GFOD1: variants seen among roughly 807,000 people sequenced by gnomAD.
GFOD1 encodes the protein glucose-fructose oxidoreductase domain-containing protein 1.
A neutral mutation model predicts 25.4 loss-of-function variants in GFOD1; 9 were observed. The observed-to-expected ratio is 0.35, with a 90% CI of 0.21 to 0.62. The LOEUF is 0.62. Ranked by LOEUF, GFOD1 falls within the 20% of genes least tolerant of loss-of-function variation. GFOD1 has a pLI of 0.72. For missense variants in GFOD1, 403 were observed against 556.9 expected (o/e 0.72, Z 2.78); for synonymous variants, 253 against 245.6 (o/e 1.03, Z -0.28).
At chr6:13,480,667 G>A (rs533481604) in intron 1 of GFOD1, among the ~76,000 whole-genome samples, 1 of 152,280 alleles carries the variant, frequency 6.6e-6, no homozygotes, top group South Asian at 2.1e-4. Context: ...ATCATGCCTG[G>A]CTAGAGACAA....
intron 1 of GFOD1, among the ~76,000 whole-genome samples, chr6:13,406,457 G>A (rs558028082): frequency 1.1e-4 from 17 of 152,248 alleles, no homozygotes; most frequent in Middle Eastern, 3.4e-3. Context: ...CAGAAAGGGC[G>A]CCTGTATTCA....
At chr6:13,456,074 T>G (rs1005550539) in intron 1 of GFOD1, among the ~76,000 whole-genome samples, 2 of 152,190 alleles carry the variant, frequency 1.3e-5, no homozygotes, top group East Asian at 3.9e-4. Context: ...AGAGGTGGGT[T>G]TTAAAGTGCA....
rs142652008 is a variant in GFOD1, at chr6:13,446,822, C to G, written c.253+39816G>C. Among the ~76,000 whole-genome samples, 107 of 152,308 alleles carry G rather than the reference C, an allele frequency of 7.0e-4. 2 individuals are homozygous for G. The highest frequency in any genetic ancestry group is 2.4e-3 in the African/African-American group (101 of 41,564). On this transcript the variant is annotated intron_variant, in intron 1 of 1. Transcript: ENST00000379287. ...TAGAGATCAGAAGCACATATTTGAG[C>G]CTTTTCTCCTTTCACCAACTGGCAG...
At chr6:13,474,481 C>A (rs887664124) in intron 1 of GFOD1, among the ~76,000 whole-genome samples, 3 of 152,180 alleles carry the variant, frequency 2.0e-5, no homozygotes, top group South Asian at 2.1e-4. Context: ...AGGTGATCGA[C>A]CCTTAATCCA....
At chr6:13,442,015 C>T (rs1004691381) in intron 1 of GFOD1, among the ~76,000 whole-genome samples, 11 of 152,148 alleles carry the variant, frequency 7.2e-5, no homozygotes, top group African/African-American at 2.7e-4. Context: ...TGTAGACACG[C>T]CAATTCTCCT....
chr6:13,407,644 T>C (rs1785972771), intron 1 of GFOD1, among the ~76,000 whole-genome samples: 1 of 152,232 alleles, frequency 6.6e-6, no homozygotes, highest in Non-Finnish European at 1.5e-5. Context: ...AAAGGGCTTA[T>C]CTTTGAATCA....
chr6:13,426,119 T>C (rs1786347550), intron 1 of GFOD1, among the ~76,000 whole-genome samples: 1 of 152,194 alleles, frequency 6.6e-6, no homozygotes, highest in Admixed American at 6.5e-5. Flanking sequence ...GATGCAAATA[T>C]CACAGAGCTT....
At chr6:13,460,867 A>T (rs1045811309) in intron 1 of GFOD1, among the ~76,000 whole-genome samples, 3 of 152,170 alleles carry the variant, frequency 2.0e-5, no homozygotes, top group African/African-American at 7.2e-5. Flanking sequence ...AAGGGTTTGC[A>T]GGAGTAAGTC....
chr6:13,398,530 C>T (rs2127562857), intron 1 of GFOD1, among the ~76,000 whole-genome samples: 1 of 152,308 alleles, frequency 6.6e-6, no homozygotes, highest in East Asian at 1.9e-4. Flanking sequence ...GCTCCTCTGT[C>T]CTTAAACACC....
intron 1 of GFOD1, among the ~76,000 whole-genome samples, chr6:13,403,747 T>C (rs542547394): frequency 6.6e-6 from 1 of 152,356 alleles, no homozygotes; most frequent in African/African-American, 2.4e-5. Context: ...GAAAATATTA[T>C]GACATGTGAA....
intron 1 of GFOD1, among the ~76,000 whole-genome samples, chr6:13,404,419 G>A (rs1454507754): frequency 6.6e-6 from 1 of 152,206 alleles, no homozygotes; most frequent in Admixed American, 6.5e-5. Context: ...CAATGTGTAT[G>A]ATGAAGTTTT....
At chr6:13,476,756 T>A (rs1257803161) in intron 1 of GFOD1, among the ~76,000 whole-genome samples, 5 of 152,234 alleles carry the variant, frequency 3.3e-5, no homozygotes, top group South Asian at 2.1e-4. Flanking sequence ...AAAATTTTTT[T>A]AAATCATAAC....
chr6:13,395,944 T>A (rs1785720723), intron 1 of GFOD1, among the ~76,000 whole-genome samples: 1 of 152,204 alleles, frequency 6.6e-6, no homozygotes. Flanking sequence ...GAGCCTGGGA[T>A]GAGCAGAGGG....
rs115779669 is a variant in GFOD1, at chr6:13,393,526, C to T, written c.254-27864G>A. 8.1e-3 allele frequency among the ~76,000 whole-genome samples: 1,233 copies of T among 152,118 alleles called. 20 individuals carry two copies. The highest frequency in any genetic ancestry group is 0.028 in the African/African-American group (1,178 of 41,498). ...CAGCAACAGCGCAGCTCCTGTAGAG[C>T]TCTCCATCACGGTACCATAACAGGG... On this transcript the variant is annotated intron_variant, in intron 1 of 1. Transcript: ENST00000379287.
chr6:13,365,492 C>T lies in GFOD1; in HGVS notation c.424G>A (p.Glu142Lys), dbSNP rs139200225. The T allele has an allele frequency of 1.2e-5, 20 of 1,613,262 alleles. No individual in the cohort carries two copies. In the African/African-American group the frequency reaches 1.5e-4, roughly 12 times the overall value. Residue 142 changes from glutamate to lysine, a missense_variant, in exon 2 of 2, where the codon GAG becomes AAG. Transcript: ENST00000379287. The surrounding 1 kb of genome is among the most constrained non-coding windows in gnomAD (Gnocchi z 9.2). ...KQLIEEGYVG[E>K]PLVCEVQVHG... ...ACCTGCACCTCACACACCAGCGGCT[C>T]GCCCACGTAGCCCTCCTCGATCAGC...
chr6:13,415,578 G>A (rs892378946), intron 1 of GFOD1, among the ~76,000 whole-genome samples: 4 of 152,164 alleles, frequency 2.6e-5, no homozygotes, highest in African/African-American at 9.7e-5. Context: ...GGAGGCATCT[G>A]CCCATGTCCT....
chr6:13,381,477 G>A (rs10948641), intron 1 of GFOD1, among the ~76,000 whole-genome samples: 17,559 of 152,192 alleles, frequency 0.12, 3,176 homozygotes, highest in African/African-American at 0.39. Flanking sequence ...GGGTCCCAGC[G>A]GAGCTGAAAA....
intron 1 of GFOD1, among the ~76,000 whole-genome samples, chr6:13,446,151 A>G (rs1562221626): frequency 6.6e-6 from 1 of 152,240 alleles, no homozygotes; most frequent in Non-Finnish European, 1.5e-5. Context: ...CTAGCCCAAT[A>G]ACAAACTGAA....
In GFOD1 at chr6:13,365,335, T is replaced by C. The variant is rs777729814; in HGVS notation, c.581A>G (p.Lys194Arg). Residue 194 changes from lysine (K) to arginine (R), a missense_variant, in exon 2 of 2, where the codon AAG becomes AGG. Lys to Arg is a conservative substitution (Grantham distance 26). Coordinates refer to ENST00000379287, the MANE Select transcript of GFOD1 (RefSeq NM_018988.4). This position sits in a 1 kb window ranked among gnomAD's most constrained non-coding sequence, Gnocchi z 9.2. ...LTFLTGQKAV[K>R]VHGLLKTFVK... ...GAAGGTCTTGAGCAGCCCGTGGACC[T>C]TGACGGCCTTTTGGCCGGTGAGGAA... 6.2e-7 allele frequency: 1 copy of C among 1,614,190 alleles called. No individual in the cohort carries two copies. The highest frequency in any genetic ancestry group is 1.1e-5 in the South Asian group (1 of 91,088).
Sources: gnomAD v4.1 joint callset for allele counts (sites outside exome capture counted in the v4.1 genomes callset) on GRCh38, gnomAD v4.1.1 for gene constraint, Gnocchi (gnomAD v3.1) non-coding constraint, MANE v1.5 for transcripts, NCBI Gene and HGNC (gene_info 2026-07-23, HGNC 2026-07-21) for gene names.